The following GRIP2 variants were observed in gnomAD, a reference collection of about 807,000 sequenced individuals.
The protein encoded by GRIP2 is glutamate receptor-interacting protein 2.
In GRIP2, 58 loss-of-function variants were observed where a neutral mutation model predicts 108.3. The observed-to-expected ratio is 0.54, with a 90% CI of 0.43 to 0.67. GRIP2 has a LOEUF of 0.67. Among genes scored for constraint, GRIP2 ranks in the 30% least tolerant of loss-of-function variants. The pLI is 0.00. For missense variants in GRIP2, 1,278 were observed against 1,430.6 expected (o/e 0.89, Z 1.72); for synonymous variants, 586 against 598.2 (o/e 0.98, Z 0.30).
At chr3:14,570,462 A>C in the GRIP2 span, among the ~76,000 whole-genome samples, 5 of 152,174 alleles carry the variant, frequency 3.3e-5, no homozygotes, top group African/African-American at 7.2e-5. Flanking sequence ...CAGTCAGATT[A>C]AAAACAGAGC....
upstream of GRIP2, among the ~76,000 whole-genome samples, chr3:14,558,600 G>A (rs1575039515): frequency 1.3e-5 from 2 of 152,270 alleles, no homozygotes; most frequent in South Asian, 4.1e-4. Context: ...CCGACCTGGT[G>A]GGGTTTCCTG....
chr3:14,543,791 C>G (rs1289574525), upstream of GRIP2, among the ~76,000 whole-genome samples: 1 of 152,232 alleles, frequency 6.6e-6, no homozygotes, highest in Admixed American at 6.5e-5. Flanking sequence ...TGGCAGGCAG[C>G]CCCTCTTTGG....
chr3:14,507,717 G>C lies in GRIP2; in HGVS notation c.2079-17C>G. On this transcript the variant is annotated splice_polypyrimidine_tract_variant and intron_variant, in intron 17 of 23. Transcript: ENST00000621039. The surrounding 1 kb of genome is among the most constrained non-coding windows in gnomAD (Gnocchi z 4.6). ...GCACCAGTCCTGAGGAGTGGATGCA[G>C]GGCAGAGAATGGGAGTTAGACACTC... 6.2e-7 allele frequency: 1 copy of C among 1,609,720 alleles called. No homozygotes were observed. Among genetic ancestry groups the C allele is most frequent in the Non-Finnish European group, 8.5e-7 (1 of 1,176,312 alleles).
At chr3:14,500,314 A>G (rs1292523071) in intron 21 of GRIP2, among the ~76,000 whole-genome samples, 1 of 152,226 alleles carries the variant, frequency 6.6e-6, no homozygotes, top group Non-Finnish European at 1.5e-5. Context: ...AGACAATAAG[A>G]AGGAGGCAAT....
chr3:14,602,840 T>A, the GRIP2 span, among the ~76,000 whole-genome samples: 4 of 151,404 alleles, frequency 2.6e-5, no homozygotes, highest in Non-Finnish European at 4.4e-5. This position sits in a 1 kb window ranked among gnomAD's most constrained non-coding sequence, Gnocchi z 4.7. Context: ...CCCAGGCGTG[T>A]GCGCCCCGGG....
the GRIP2 span, among the ~76,000 whole-genome samples, chr3:14,581,858 A>T: frequency 4.6e-5 from 7 of 152,164 alleles, no homozygotes; most frequent in Admixed American, 1.3e-4. Flanking sequence ...GAAAGGCGTG[A>T]GAAGGAACAG....
the GRIP2 span, among the ~76,000 whole-genome samples, chr3:14,599,807 T>A: frequency 5.9e-5 from 9 of 151,304 alleles, no homozygotes; most frequent in Non-Finnish European, 1.0e-4. Flanking sequence ...ATCCCTCAGA[T>A]AACAGAAGTT....
intron 17 of GRIP2, among the ~76,000 whole-genome samples, chr3:14,509,035 A>C (rs1005353952): frequency 3.9e-5 from 6 of 152,082 alleles, no homozygotes; most frequent in African/African-American, 2.4e-5. Flanking sequence ...CATTGGGGTC[A>C]GAAGGGTTCC....
chr3:14,583,433 GC>G, the GRIP2 span, among the ~76,000 whole-genome samples: 5 of 152,278 alleles, frequency 3.3e-5, no homozygotes, highest in Non-Finnish European at 7.3e-5. Flanking sequence ...CTTGATGGGG[GC>G]CCACCACCTC....
chr3:14,531,913 C>T (rs572319256), intron 1 of GRIP2, among the ~76,000 whole-genome samples: 1 of 152,340 alleles, frequency 6.6e-6, no homozygotes, highest in Non-Finnish European at 1.5e-5. Context: ...CCCTGCGCTG[C>T]CTCAGGGCTC....
In GRIP2 at chr3:14,492,840, G is replaced by A. The variant is rs1218269686; in HGVS notation, c.*825C>T. ...TACAGAAGAAGCAGGAGGGCTGAGA[G>A]CCCAAGGCCCATAGAGCCTGCCCAA... On this transcript the variant is annotated 3_prime_UTR_variant, in exon 24 of 24. Coordinates refer to ENST00000621039, the MANE Select transcript of GRIP2 (RefSeq NM_001080423.4). 6.6e-6 allele frequency: 1 copy of A among 152,278 alleles called. No individual in the cohort carries two copies. Among genetic ancestry groups the A allele is most frequent in the East Asian group, 1.9e-4 (1 of 5,188 alleles). The allele number at this position is 152,278 out of a possible 1,614,324, so 9.4% of individuals were successfully genotyped here.
At chr3:14,602,937 GC>G in the GRIP2 span, among the ~76,000 whole-genome samples, 1 of 149,858 alleles carries the variant, frequency 6.7e-6, no homozygotes, top group Non-Finnish European at 1.5e-5. This position sits in a 1 kb window ranked among gnomAD's most constrained non-coding sequence, Gnocchi z 4.7. Flanking sequence ...CCTTCGTCCG[GC>G]AGCCGCTGCA....
Position 14,511,564 on chromosome 3 carries a change from C to G in GRIP2, c.1721-85G>C, listed in dbSNP as rs1462570778. 1.5e-5 allele frequency: 19 copies of G among 1,298,096 alleles called. No individual in the cohort carries two copies. The highest frequency in any genetic ancestry group is 1.3e-4 in the South Asian group (10 of 80,000). The allele number at this position is 1,298,096 out of a possible 1,614,324, so 80.4% of individuals were successfully genotyped here. On this transcript the variant is annotated intron_variant, in intron 14 of 23. Coordinates refer to ENST00000621039, the MANE Select transcript of GRIP2 (RefSeq NM_001080423.4). The surrounding 1 kb of genome is among the most constrained non-coding windows in gnomAD (Gnocchi z 4.1). ...AAGCCCAGGGGTCTGAGTGTGGACTCGGAGCCACTGGTCCTACTCACATCC... is the reference window on the plus strand; with the variant it reads ...AAGCCCAGGGGTCTGAGTGTGGACTGGGAGCCACTGGTCCTACTCACATCC...
At chr3:14,525,673 C>G (rs1266946807) in intron 2 of GRIP2, 101 bp from the exon 3 acceptor site, 2 of 1,428,992 alleles carry the variant, frequency 1.4e-6, no homozygotes, top group Non-Finnish European at 2.0e-6. Context: ...GTAGGGCACT[C>G]TGCTGCATTG....
At chr3:14,525,690 G>A in intron 2 of GRIP2, 118 bp from the exon 3 acceptor site, 1 of 1,362,150 alleles carries the variant, frequency 7.3e-7, no homozygotes, top group Non-Finnish European at 1.0e-6. Flanking sequence ...ATTGCCCTGG[G>A]TGATGATCAC....
At chr3:14,534,104 C>T (rs1178896598) in intron 1 of GRIP2, among the ~76,000 whole-genome samples, 1 of 152,206 alleles carries the variant, frequency 6.6e-6, no homozygotes, top group Admixed American at 6.5e-5. Flanking sequence ...GGAAGGAATG[C>T]TGCAGTGTTT....
chr3:14,589,604 G>A, the GRIP2 span, among the ~76,000 whole-genome samples: 3 of 152,120 alleles, frequency 2.0e-5, no homozygotes, highest in African/African-American at 7.2e-5. Context: ...TAGTGCGTCT[G>A]TGATAGGTTT....
chr3:14,556,662 T>C (rs986147071), upstream of GRIP2, among the ~76,000 whole-genome samples: 2 of 152,218 alleles, frequency 1.3e-5, no homozygotes, highest in Admixed American at 1.3e-4. Flanking sequence ...AGCATGGGGA[T>C]ACCCAGAGAA....
At chr3:14,555,894 C>G (rs183636950) in intron 1 of GRIP2, 2 of 399,602 alleles carry the variant, frequency 5.0e-6, no homozygotes, top group Non-Finnish European at 4.4e-6. Flanking sequence ...CCAGACTCAC[C>G]GGCACCTTTG....
Sources: allele counts gnomAD v4.1 joint callset (sites outside exome capture counted in the v4.1 genomes callset), GRCh38; gene constraint gnomAD v4.1.1; non-coding constraint Gnocchi (gnomAD v3.1); transcripts MANE v1.5; gene names NCBI Gene and HGNC (gene_info 2026-07-23, HGNC 2026-07-21).